SLC26A7: variants seen among roughly 807,000 people sequenced by gnomAD.
SLC26A7 encodes the protein anion exchange transporter.
SLC26A7 carries 59 observed loss-of-function variants against 82.5 expected under a neutral mutation model. That is an observed-to-expected ratio of 0.72 (90% CI 0.58 to 0.89). SLC26A7 has a LOEUF of 0.89. SLC26A7 is among the 40% of genes least tolerant of loss of function. The pLI is 0.00. For missense variants in SLC26A7, 820 were observed against 793.0 expected (o/e 1.03, Z -0.41); for synonymous variants, 271 against 274.3 (o/e 0.99, Z 0.12).
intron 2 of SLC26A7, chr8:91,219,319 C>T (rs1430692894): frequency 5.2e-6 from 1 of 193,214 alleles, no homozygotes; most frequent in Non-Finnish European, 1.0e-5. Flanking sequence ...TATTAAGAGA[C>T]TTTGACGGGG....
chr8:91,385,005 A>G (rs1465749110), intron 15 of SLC26A7, among the ~76,000 whole-genome samples: 3 of 152,212 alleles, frequency 2.0e-5, no homozygotes, highest in Non-Finnish European at 4.4e-5. Flanking sequence ...GTATATAAAA[A>G]GCACTCTTAA....
At chr8:91,241,283 T>C (rs1190018893) in intron 2 of SLC26A7, among the ~76,000 whole-genome samples, 2 of 152,078 alleles carry the variant, frequency 1.3e-5, no homozygotes, top group Admixed American at 1.3e-4. Context: ...AAATTACATG[T>C]ATAGTAATGC....
intron 2 of SLC26A7, among the ~76,000 whole-genome samples, chr8:91,263,703 C>T (rs1307658132): frequency 6.6e-6 from 1 of 152,004 alleles, no homozygotes; most frequent in Non-Finnish European, 1.5e-5. Context: ...ACAACACTAC[C>T]CTAATCCTTC....
chr8:91,274,468 G>A (rs1811353188), intron 2 of SLC26A7, among the ~76,000 whole-genome samples: 1 of 152,184 alleles, frequency 6.6e-6, no homozygotes, highest in African/African-American at 2.4e-5. Flanking sequence ...GAGAGAAACA[G>A]AGAGCAAGAG....
chr8:91,355,717 T>C (rs2130860946), intron 11 of SLC26A7, among the ~76,000 whole-genome samples: 1 of 152,094 alleles, frequency 6.6e-6, no homozygotes, highest in African/African-American at 2.4e-5. Context: ...ATCTTTTGCC[T>C]CTTTTTTTTA....
chr8:91,278,727 G>A (rs1811473677), intron 2 of SLC26A7, among the ~76,000 whole-genome samples: 1 of 151,832 alleles, frequency 6.6e-6, no homozygotes, highest in African/African-American at 2.4e-5. Flanking sequence ...ATTAACATAC[G>A]CATTACCTCA....
chr8:91,343,114 T>C (rs1295086739), intron 8 of SLC26A7: 1 of 372,818 alleles, frequency 2.7e-6, no homozygotes, highest in Admixed American at 3.8e-5. Context: ...TAAAAAAAAA[T>C]AGTATTTCCC....
chr8:91,326,736 T>A (rs983175447), intron 5 of SLC26A7, among the ~76,000 whole-genome samples: 2 of 152,182 alleles, frequency 1.3e-5, no homozygotes, highest in African/African-American at 4.8e-5. Context: ...ACAAATCTGG[T>A]GGTTTAACAA....
At chr8:91,288,428 C>G (rs1811768296) in intron 2 of SLC26A7, among the ~76,000 whole-genome samples, 1 of 152,142 alleles carries the variant, frequency 6.6e-6, no homozygotes, top group South Asian at 2.1e-4. Flanking sequence ...AGAAAATTTT[C>G]CATGTGCATG....
chr8:91,381,543 T>C (rs940535121), intron 15 of SLC26A7, among the ~76,000 whole-genome samples: 6 of 152,158 alleles, frequency 3.9e-5, no homozygotes, highest in African/African-American at 1.2e-4. Flanking sequence ...CTTTCTGAAC[T>C]GAAAAATTTT....
chr8:91,262,506 T>TG lies in SLC26A7; in HGVS notation c.193+12663dup, dbSNP rs933441928. ...GAGCCCATGGAAGACAGTGAGAAGA[T>TG]GCACCTGGCTGACAAGAGAAGTAAG... On this transcript the variant is annotated intron_variant, in intron 2 of 18. Transcript: ENST00000276609. Among the ~76,000 whole-genome samples the TG allele has an allele frequency of 3.9e-5, 6 of 152,148 alleles. No homozygotes were observed. The East Asian group carries it at 1.2e-3, about 29-fold the overall frequency.
At chr8:91,375,621 A>C (rs913844820) in intron 15 of SLC26A7, among the ~76,000 whole-genome samples, 2 of 148,376 alleles carry the variant, frequency 1.3e-5, no homozygotes, top group African/African-American at 5.0e-5. Flanking sequence ...GATTTCCTTT[A>C]TAGGTAATTT....
At chr8:91,275,103 G>A (rs542697416) in intron 2 of SLC26A7, among the ~76,000 whole-genome samples, 1 of 151,952 alleles carries the variant, frequency 6.6e-6, no homozygotes, top group East Asian at 1.9e-4. Flanking sequence ...TTAAAAAACA[G>A]AAACAGAAAA....
At chr8:91,240,087 C>T (rs1810453754) in intron 2 of SLC26A7, among the ~76,000 whole-genome samples, 1 of 152,132 alleles carries the variant, frequency 6.6e-6, no homozygotes, top group Non-Finnish European at 1.5e-5. Flanking sequence ...CCTCAAAGAC[C>T]TTGAAAAGTT....
intron 15 of SLC26A7, among the ~76,000 whole-genome samples, chr8:91,377,313 AT>A (rs1480930732): frequency 1.3e-5 from 2 of 151,992 alleles, no homozygotes; most frequent in African/African-American, 4.8e-5. Flanking sequence ...CCTTTCAGTG[AT>A]TGGTACCACA....
chr8:91,377,359 A>G (rs2130889754), intron 15 of SLC26A7, among the ~76,000 whole-genome samples: 1 of 152,090 alleles, frequency 6.6e-6, no homozygotes, highest in South Asian at 2.1e-4. Flanking sequence ...GGCTTTGGTG[A>G]GCTGAGTGCC....
At chr8:91,334,202 T>G (rs1439491728) in intron 5 of SLC26A7, 93 bp from the exon 6 acceptor site, 1 of 1,219,832 alleles carries the variant, frequency 8.2e-7, no homozygotes, top group African/African-American at 1.5e-5. Context: ...GATAGTTTTA[T>G]AAAACATCAT....
In SLC26A7 at chr8:91,249,628, C is replaced by T; in HGVS notation, c.-24C>T. On this transcript the variant is annotated 5_prime_UTR_variant, in exon 2 of 19. Coordinates refer to ENST00000276609, the MANE Select transcript of SLC26A7 (RefSeq NM_052832.4). The stretch of plus-strand genomic sequence containing the variant: ...TTTTTTTCTTGTTTAGAGAAGTTTA[C>T]TTCTACAAGAAGAAATCTGAAAAAT... 1 of 1,486,454 alleles carries T rather than the reference C, an allele frequency of 6.7e-7. No homozygotes were observed. The highest frequency in any genetic ancestry group is 8.9e-7 in the Non-Finnish European group (1 of 1,118,424). The allele number at this position is 1,486,454 out of a possible 1,614,324, so 92.1% of individuals were successfully genotyped here.
intron 2 of SLC26A7, among the ~76,000 whole-genome samples, chr8:91,239,889 T>C (rs1810450978): frequency 6.6e-6 from 1 of 152,188 alleles, no homozygotes; most frequent in South Asian, 2.1e-4. Flanking sequence ...ACATACATGG[T>C]ATTATTCCTT....
Sources: gnomAD v4.1 joint callset for allele counts (sites outside exome capture counted in the v4.1 genomes callset) on GRCh38, gnomAD v4.1.1 for gene constraint, MANE v1.5 for transcripts, NCBI Gene and HGNC (gene_info 2026-07-23, HGNC 2026-07-21) for gene names.